The following IQSEC3 variants were observed in gnomAD, a reference collection of about 807,000 sequenced individuals.
IQSEC3 encodes the protein IQ motif and Sec7 domain ArfGEF 3.
Under a neutral mutation model 105.4 loss-of-function variants are expected in IQSEC3, and 50 were observed. That is an observed-to-expected ratio of 0.47 (90% CI 0.38 to 0.60). The LOEUF (loss-of-function observed/expected upper bound fraction) is 0.60, where lower values mean the gene tolerates loss of function less well. Ranked by LOEUF, IQSEC3 falls within the 20% of genes least tolerant of loss-of-function variation. IQSEC3 has a pLI of 0.00. For missense variants in IQSEC3, 1,415 were observed against 1,630.0 expected, an observed-to-expected ratio of 0.87 and a Z score of 2.27; for synonymous variants, 708 against 746.0, an observed-to-expected ratio of 0.95 and a Z score of 0.83.
At chr12:145,828 G>A (rs887762175) in intron 5 of IQSEC3, among the ~76,000 whole-genome samples, 12 of 152,220 alleles carry the variant, frequency 7.9e-5, no homozygotes, top group South Asian at 4.1e-4. Context: ...GATGGGGAAC[G>A]TTCCATGCTG....
At chr12:110,319 T>C (rs1864838741) in intron 2 of IQSEC3, among the ~76,000 whole-genome samples, 1 of 152,052 alleles carries the variant, frequency 6.6e-6, no homozygotes, top group South Asian at 2.1e-4. Flanking sequence ...AACTAAGTCC[T>C]AAAAGGCCTT....
intron 1 of IQSEC3, among the ~76,000 whole-genome samples, chr12:88,866 T>C (rs1033491098): frequency 2.0e-5 from 3 of 152,224 alleles, no homozygotes; most frequent in Non-Finnish European, 4.4e-5. Context: ...TTGTGGTTGC[T>C]GAGTTTCTCA....
intron 9 of IQSEC3, among the ~76,000 whole-genome samples, chr12:163,892 C>T (rs1402064861): frequency 6.6e-6 from 1 of 152,052 alleles, no homozygotes; most frequent in Non-Finnish European, 1.5e-5. Context: ...AACTAGTTCC[C>T]AGACCACTGG....
chr12:69,260 G>T (rs187291184), intron 1 of IQSEC3, among the ~76,000 whole-genome samples: 13 of 152,394 alleles, frequency 8.5e-5, no homozygotes, highest in African/African-American at 1.2e-4. Context: ...GTTGAGGAAA[G>T]ATTATTTTTC....
Position 165,553 on chromosome 12 carries a change from T to TGTAAGTCTTTGACAGCCAGG in IQSEC3, c.2809+32_2809+33insCAGCCAGGGTAAGTCTTTGA. 6.2e-7 allele frequency: 1 copy of TGTAAGTCTTTGACAGCCAGG among 1,605,074 alleles called. No homozygotes were observed. The highest frequency in any genetic ancestry group is 1.1e-5 in the South Asian group (1 of 90,908). ...ACGAGTGTAAGTCTTTGACAGCCAG[T>TGTAAGTCTTTGACAGCCAGG]GTAAGTCTTTGAGAAGGAATGAATG... On this transcript the variant is annotated intron_variant, in intron 10 of 13. Coordinates refer to ENST00000538872, the MANE Select transcript of IQSEC3 (RefSeq NM_001170738.2).
chr12:81,855 G>A (rs1449969805), intron 1 of IQSEC3, among the ~76,000 whole-genome samples: 1 of 152,188 alleles, frequency 6.6e-6, no homozygotes, highest in Non-Finnish European at 1.5e-5. Flanking sequence ...CCAGAGGGAG[G>A]AGAACAGCCA....
intron 2 of IQSEC3, among the ~76,000 whole-genome samples, chr12:125,083 T>G (rs7316033): frequency 3.3e-5 from 5 of 152,012 alleles, no homozygotes; most frequent in African/African-American, 1.2e-4. Context: ...AGTCTAAAGA[T>G]GAGCTGGCTT....
In IQSEC3 at chr12:90,063, G is replaced by A. The variant is rs151176470; in HGVS notation, c.555-9083G>A. On this transcript the variant is annotated intron_variant, in intron 1 of 13. Transcript: ENST00000538872. ...GGTGTATGAGAGTTCCAGGTGCTCC[G>A]CACCCTTGTCAACACTCGGTTTTGT... 4.2e-3 allele frequency among the ~76,000 whole-genome samples: 642 copies of A among 152,296 alleles called. 5 individuals carry two copies. Among genetic ancestry groups the A allele is most frequent in the East Asian group, 0.027 (140 of 5,186 alleles).
intron 1 of IQSEC3, among the ~76,000 whole-genome samples, chr12:77,987 G>A (rs1332423066): frequency 6.6e-6 from 1 of 151,822 alleles, no homozygotes. Context: ...CTTCCTCGCG[G>A]GGGCGGCGGC....
intron 13 of IQSEC3, among the ~76,000 whole-genome samples, chr12:173,392 T>C (rs1441952694): frequency 6.6e-6 from 1 of 152,050 alleles, no homozygotes; most frequent in East Asian, 1.9e-4. Flanking sequence ...GGGAGGGAAG[T>C]TGCCCCCTGG....
chr12:129,097 G>T (rs912173124), intron 3 of IQSEC3, among the ~76,000 whole-genome samples: 8 of 152,224 alleles, frequency 5.3e-5, no homozygotes, highest in African/African-American at 1.7e-4. Flanking sequence ...CGCAGCCGAG[G>T]CACGTGCTTT....
At chr12:146,164 T>C (rs1384052593) in intron 5 of IQSEC3, among the ~76,000 whole-genome samples, 2 of 152,260 alleles carry the variant, frequency 1.3e-5, no homozygotes, top group African/African-American at 2.4e-5. Context: ...TTCAACAGTC[T>C]GGAAGGCTCT....
At chr12:119,021 A>G (rs1865136921) in intron 2 of IQSEC3, among the ~76,000 whole-genome samples, 1 of 152,142 alleles carries the variant, frequency 6.6e-6, no homozygotes, top group African/African-American at 2.4e-5. Context: ...ATGCTAACCT[A>G]TGGGTTCATT....
chr12:82,367 G>T (rs1863773941), intron 1 of IQSEC3, among the ~76,000 whole-genome samples: 1 of 152,200 alleles, frequency 6.6e-6, no homozygotes. Flanking sequence ...ATGTGTAAAA[G>T]ATGCCAGAAT....
At chr12:90,791 G>T (rs1379918394) in intron 1 of IQSEC3, among the ~76,000 whole-genome samples, 1 of 152,068 alleles carries the variant, frequency 6.6e-6, no homozygotes, top group Admixed American at 6.5e-5. Flanking sequence ...AGTTGTTTTG[G>T]CTATCCCCTC....
In IQSEC3 at chr12:126,736, A is replaced by C. The variant is rs540102620; in HGVS notation, c.903+824A>C. On this transcript the variant is annotated intron_variant, in intron 3 of 13. Coordinates refer to ENST00000538872, the MANE Select transcript of IQSEC3 (RefSeq NM_001170738.2). ...CATTCGTTTCCTCATCTGCAAAAAA[A>C]TGAGAATTAACTTTGAATCACCTCC... Among the ~76,000 whole-genome samples, 692 of 152,346 alleles carry C rather than the reference A, an allele frequency of 4.5e-3. 4 individuals are homozygous for C. Among genetic ancestry groups the C allele is most frequent in the African/African-American group, 0.016 (656 of 41,568 alleles).
rs1866918105 is a variant in IQSEC3 at position 162,083 on chromosome 12, A to T, written c.2583+18A>T. On this transcript the variant is annotated intron_variant, in intron 8 of 13. Coordinates refer to ENST00000538872, the MANE Select transcript of IQSEC3 (RefSeq NM_001170738.2). ...TGAAGACAGTGAGTGTCCACAAGCT[A>T]CCTATCTCCCGTCTCCTTTCCTTTC... 1 of 1,612,120 alleles carries T rather than the reference A, an allele frequency of 6.2e-7. No individual in the cohort carries two copies. Among genetic ancestry groups the T allele is most frequent in the African/African-American group, 1.3e-5 (1 of 74,858 alleles).
chr12:157,492 G>GGGGGCGC, intron 6 of IQSEC3, 36 bp from the exon 7 acceptor site: 1 of 1,389,486 alleles, frequency 7.2e-7, no homozygotes, highest in Non-Finnish European at 9.8e-7. Flanking sequence ...GGTGGGCGGG[G>GGGGGCGC]GCTCAGCGTC....
chr12:116,083 G>A (rs567089244), intron 2 of IQSEC3, among the ~76,000 whole-genome samples: 4 of 152,188 alleles, frequency 2.6e-5, no homozygotes, highest in South Asian at 2.1e-4. Flanking sequence ...AACATGGGAC[G>A]TCCCAAAAGA....
Sources: allele counts gnomAD v4.1 joint callset (sites outside exome capture counted in the v4.1 genomes callset), GRCh38; gene constraint gnomAD v4.1.1; transcripts MANE v1.5; gene names NCBI Gene and HGNC (gene_info 2026-07-23, HGNC 2026-07-21).